RALGPS1: variants seen among roughly 807,000 people sequenced by gnomAD.
RALGPS1 encodes Ral GEF with PH domain and SH3 binding motif 1, also known as ras-specific guanine nucleotide-releasing factor RalGPS1.
Under a neutral mutation model 78.8 loss-of-function variants are expected in RALGPS1, and 19 were observed. The observed-to-expected ratio is 0.24, with a 90% CI of 0.17 to 0.35. RALGPS1 has a LOEUF of 0.35. Ranked by LOEUF, RALGPS1 falls within the 10% of genes least tolerant of loss-of-function variation. The probability of loss-of-function intolerance (pLI) is 1.00; values close to 1 mark genes in which losing one functional copy is unlikely to be tolerated. For missense variants in RALGPS1, 454 were observed against 688.3 expected, an observed-to-expected ratio of 0.66 and a Z score of 3.81; for synonymous variants, 228 against 256.3, an observed-to-expected ratio of 0.89 and a Z score of 1.06.
chr9:127,058,238 G>A (rs1287446712), intron 7 of RALGPS1, among the ~76,000 whole-genome samples: 1 of 152,196 alleles, frequency 6.6e-6, no homozygotes, highest in Non-Finnish European at 1.5e-5. Context: ...GGGCAGCGGG[G>A]CCAATCATGT....
intron 7 of RALGPS1, among the ~76,000 whole-genome samples, chr9:127,054,812 C>T (rs993471896): frequency 6.6e-6 from 1 of 152,144 alleles, no homozygotes; most frequent in Non-Finnish European, 1.5e-5. Flanking sequence ...GACCTCATCT[C>T]TGCAAATATT....
At chr9:127,195,004 G>T (rs1401820741) in intron 11 of RALGPS1, 87 bp from the exon 12 acceptor site, 71 of 1,521,794 alleles carry the variant, frequency 4.7e-5, no homozygotes, top group Non-Finnish European at 5.9e-5. Flanking sequence ...CAAACCCGGG[G>T]CCCACCTCCA....
intron 13 of RALGPS1, among the ~76,000 whole-genome samples, chr9:127,197,335 C>T (rs962768539): frequency 1.3e-5 from 2 of 152,180 alleles, no homozygotes; most frequent in African/African-American, 2.4e-5. Context: ...GGCCAGTGTG[C>T]TCTGATGCCT....
In RALGPS1 at chr9:127,122,702, G is replaced by A. The variant is rs2056244435; in HGVS notation, c.611-43367G>A. 1 of 152,630 alleles carries A rather than the reference G, an allele frequency of 6.6e-6. No individual in the cohort carries two copies. The highest frequency in any genetic ancestry group is 1.5e-5 in the Non-Finnish European group (1 of 68,376). The allele number at this position is 152,630 out of a possible 1,614,324, so 9.5% of individuals were successfully genotyped here. ...GAAACTGTGAGCACAGCCTGACCCT[G>A]GTTGGCTGCAGGCGCTTCTCTCCAC... On this transcript the variant is annotated intron_variant, in intron 8 of 18. Transcript: ENST00000259351. This position sits in a 1 kb window ranked among gnomAD's most constrained non-coding sequence, Gnocchi z 6.4.
At position 127,017,737 on chromosome 9, in the gene RALGPS1, G is replaced by C. The variant is rs1200142336; in HGVS notation, c.217-16694G>C. The stretch of plus-strand genomic sequence containing the variant: ...TATCCTTATTCTATAAGATTTTTTT[G>C]TATTTTTAAAATTATTTTTTCTTTT... On this transcript the variant is annotated intron_variant, in intron 4 of 18. Coordinates refer to ENST00000259351, the MANE Select transcript of RALGPS1 (RefSeq NM_014636.3). 2.0e-5 allele frequency among the ~76,000 whole-genome samples: 3 copies of C among 151,938 alleles called. No homozygotes were observed. The East Asian group carries it at 5.8e-4, about 29-fold the overall frequency.
At chr9:127,213,226 A>G (rs2062380535) in intron 17 of RALGPS1, among the ~76,000 whole-genome samples, 177 bp downstream of exon 17, 1 of 152,230 alleles carries the variant, frequency 6.6e-6, no homozygotes, top group South Asian at 2.1e-4. Context: ...CATGGTTGGC[A>G]TGTCCATTGA....
chr9:127,175,355 C>T (rs534260368), intron 11 of RALGPS1, among the ~76,000 whole-genome samples: 3 of 152,210 alleles, frequency 2.0e-5, no homozygotes, highest in Admixed American at 6.5e-5. Flanking sequence ...GATAATATGA[C>T]GACTTACCTT....
At chr9:127,046,694 G>T (rs1049384889) in intron 5 of RALGPS1, among the ~76,000 whole-genome samples, 3 of 118,820 alleles carry the variant, frequency 2.5e-5, no homozygotes, top group Non-Finnish European at 5.3e-5. Flanking sequence ...AAAAAAAAAA[G>T]CCAGGTGTGG....
At chr9:127,000,849 C>T (rs113792053) in intron 4 of RALGPS1, among the ~76,000 whole-genome samples, 16 of 151,590 alleles carry the variant, frequency 1.1e-4, no homozygotes, top group Non-Finnish European at 1.5e-4. Context: ...CCACCGCGCC[C>T]GGCCTCTGCT....
chr9:126,936,458 A>G (rs1434954397), intron 1 of RALGPS1, among the ~76,000 whole-genome samples: 1 of 152,256 alleles, frequency 6.6e-6, no homozygotes, highest in Non-Finnish European at 1.5e-5. Context: ...ATTTCGTGAC[A>G]GAGTAATAAT....
chr9:126,971,366 AT>A (rs3052974), intron 3 of RALGPS1, among the ~76,000 whole-genome samples: 37 of 148,714 alleles, frequency 2.5e-4, no homozygotes, highest in Admixed American at 2.7e-4. Context: ...CTAAAGACAT[AT>A]TTTTTTTTTT....
At chr9:127,068,668 A>G (rs2049922483) in intron 7 of RALGPS1, among the ~76,000 whole-genome samples, 2 of 152,306 alleles carry the variant, frequency 1.3e-5, no homozygotes, top group South Asian at 2.1e-4. Flanking sequence ...GAGAGAATTC[A>G]AGGGTGAGCT....
chr9:127,213,880 G>C (rs2062425684), intron 17 of RALGPS1: 1 of 152,274 alleles, frequency 6.6e-6, no homozygotes, highest in African/African-American at 2.4e-5. Context: ...GCAGATGGCA[G>C]TGCTGGTGGG....
chr9:127,054,759 G>A (rs541810757), intron 7 of RALGPS1, among the ~76,000 whole-genome samples: 2 of 152,192 alleles, frequency 1.3e-5, no homozygotes, highest in Admixed American at 6.5e-5. Flanking sequence ...TGGGAGGATC[G>A]CTTAAGGCCA....
intron 4 of RALGPS1, among the ~76,000 whole-genome samples, chr9:127,003,348 A>C (rs1410580681): frequency 6.6e-6 from 1 of 152,080 alleles, no homozygotes; most frequent in Non-Finnish European, 1.5e-5. Context: ...AACTCAAACA[A>C]ATTTACAAGA....
At chr9:127,089,223 C>G (rs2789509) in intron 8 of RALGPS1, 39,551 of 1,447,098 alleles carry the variant, frequency 0.027, 668 homozygotes, top group Middle Eastern at 0.06. Flanking sequence ...CGGCAAAGCC[C>G]TCTCTGGGAG....
intron 3 of RALGPS1, 25 bp from the exon 4 acceptor site, chr9:126,977,670 T>C: frequency 1.3e-6 from 2 of 1,538,146 alleles, no homozygotes; most frequent in Non-Finnish European, 1.8e-6. Context: ...CAGTATTTTC[T>C]AAAATTGATT....
In RALGPS1 at chr9:127,219,147, G is replaced by A. The variant is rs925292857; in HGVS notation, c.*378G>A. ...ACCTGTGAGAGGGGCCCGAGAGAAG[G>A]AACAGCTGTGGAACAGGCTTTTTAC... On this transcript the variant is annotated 3_prime_UTR_variant, in exon 19 of 19. Transcript: ENST00000259351. This position sits in a 1 kb window ranked among gnomAD's most constrained non-coding sequence, Gnocchi z 5.0. The A allele has an allele frequency of 7.0e-6, 2 of 286,260 alleles. No individual in the cohort carries two copies. Among genetic ancestry groups the A allele is most frequent in the African/African-American group, 4.3e-5 (2 of 46,114 alleles). The allele number at this position is 286,260 out of a possible 1,614,324, so 17.7% of individuals were successfully genotyped here.
intron 8 of RALGPS1, among the ~76,000 whole-genome samples, chr9:127,154,426 G>A (rs541369218): frequency 6.6e-6 from 1 of 152,342 alleles, no homozygotes; most frequent in East Asian, 1.9e-4. Flanking sequence ...AAGGCAGGGA[G>A]AGATCAAAAC....
Sources: allele counts gnomAD v4.1 joint callset (sites outside exome capture counted in the v4.1 genomes callset), GRCh38; gene constraint gnomAD v4.1.1; non-coding constraint Gnocchi (gnomAD v3.1); transcripts MANE v1.5; gene names NCBI Gene and HGNC (gene_info 2026-07-23, HGNC 2026-07-21).